The following NTM variants were observed in gnomAD, a reference collection of about 807,000 sequenced individuals.
The protein encoded by NTM is neurotrimin.
NTM carries 13 observed loss-of-function variants against 42.1 expected under a neutral mutation model. That is an observed-to-expected ratio of 0.31 (90% CI 0.20 to 0.49). The LOEUF is 0.49. NTM is among the 20% of genes least tolerant of loss of function. NTM has a pLI of 0.99. For synonymous variants in NTM, 187 were observed against 179.2 expected, an observed-to-expected ratio of 1.04 and a Z score of -0.35; for missense variants, 373 against 452.8, an observed-to-expected ratio of 0.82 and a Z score of 1.60.
At chr11:131,878,965 C>G (rs549305375) in intron 1 of NTM, among the ~76,000 whole-genome samples, 43 of 152,204 alleles carry the variant, frequency 2.8e-4, no homozygotes, top group Non-Finnish European at 6.2e-4. Flanking sequence ...CGCTGCCAAT[C>G]AGGAAATTGA....
At chr11:132,126,165 G>A (rs1198064572) in intron 2 of NTM, among the ~76,000 whole-genome samples, 2 of 152,116 alleles carry the variant, frequency 1.3e-5, no homozygotes, top group Non-Finnish European at 2.9e-5. Flanking sequence ...AGGATCCTTA[G>A]TCCATCAATT....
At chr11:131,672,903 C>T (rs1188786908) in intron 1 of NTM, among the ~76,000 whole-genome samples, 1 of 46,050 alleles carries the variant, frequency 2.2e-5, no homozygotes, top group Admixed American at 3.6e-4. Context: ...GAGAAGACCA[C>T]GGTGCCGGGG....
chr11:131,415,297 C>T (rs910151168), intron 1 of NTM, among the ~76,000 whole-genome samples: 2 of 152,148 alleles, frequency 1.3e-5, no homozygotes, highest in Non-Finnish European at 2.9e-5. Context: ...GAAACTGGGT[C>T]GGCCTGATGC....
intron 1 of NTM, among the ~76,000 whole-genome samples, chr11:131,751,966 G>A (rs1328277286): frequency 6.6e-6 from 1 of 152,132 alleles, no homozygotes; most frequent in African/African-American, 2.4e-5. Flanking sequence ...TCAAAAAATT[G>A]CTTCATAAAT....
intron 1 of NTM, among the ~76,000 whole-genome samples, chr11:131,897,506 C>T (rs545880907): frequency 1.3e-5 from 2 of 152,220 alleles, no homozygotes; most frequent in African/African-American, 2.4e-5. Context: ...TGCAAAGACA[C>T]AGCACAGGTC....
chr11:131,778,856 C>T (rs568736128), intron 1 of NTM, among the ~76,000 whole-genome samples: 82 of 152,210 alleles, frequency 5.4e-4, no homozygotes, highest in South Asian at 3.7e-3. Flanking sequence ...GAGTGAAGGC[C>T]GAAACTGTGA....
chr11:131,983,377 T>G (rs914902921), intron 2 of NTM, among the ~76,000 whole-genome samples: 10 of 138,768 alleles, frequency 7.2e-5, no homozygotes, highest in Non-Finnish European at 1.1e-4. Flanking sequence ...ATTGTATCTT[T>G]TTTTTTTTTT....
intron 1 of NTM, among the ~76,000 whole-genome samples, chr11:131,688,117 G>A (rs984044395): frequency 2.6e-5 from 4 of 152,200 alleles, no homozygotes; most frequent in African/African-American, 9.6e-5. Flanking sequence ...ATCTGGATGA[G>A]GAGCCGCAGA....
chr11:131,758,277 C>A (rs2083607533), intron 1 of NTM, among the ~76,000 whole-genome samples: 2 of 152,056 alleles, frequency 1.3e-5, no homozygotes, highest in Admixed American at 6.5e-5. Flanking sequence ...CCCGCCAACC[C>A]CGCTAGCTAA....
intron 1 of NTM, among the ~76,000 whole-genome samples, chr11:131,465,111 C>T (rs1951765951): frequency 6.6e-6 from 1 of 152,232 alleles, no homozygotes; most frequent in South Asian, 2.1e-4. Flanking sequence ...TTATATTTGG[C>T]TTTGCTGTAT....
intron 1 of NTM, among the ~76,000 whole-genome samples, chr11:131,641,393 T>C (rs1368625738): frequency 6.6e-6 from 1 of 152,214 alleles, no homozygotes; most frequent in Non-Finnish European, 1.5e-5. Context: ...ATTGGAACAC[T>C]TTAAAATAGA....
At chr11:131,605,703 G>T (rs983551084) in intron 1 of NTM, 1 of 719,472 alleles carries the variant, frequency 1.4e-6, no homozygotes, top group Non-Finnish European at 1.7e-6. Context: ...TCAGGGTGAG[G>T]ACGTTTCTTT....
intron 4 of NTM, among the ~76,000 whole-genome samples, chr11:132,278,216 C>T (rs1339213267): frequency 6.6e-6 from 1 of 152,172 alleles, no homozygotes; most frequent in African/African-American, 2.4e-5. Flanking sequence ...TGTAAGAAAC[C>T]ACCCCCAAGC....
intron 2 of NTM, among the ~76,000 whole-genome samples, chr11:131,968,768 C>T (rs1377823595): frequency 6.6e-6 from 1 of 152,126 alleles, no homozygotes; most frequent in Non-Finnish European, 1.5e-5. Flanking sequence ...CACATATCCT[C>T]CCCCGAAATG....
At chr11:131,749,270 G>A (rs959780439) in intron 1 of NTM, among the ~76,000 whole-genome samples, 5 of 152,150 alleles carry the variant, frequency 3.3e-5, no homozygotes, top group African/African-American at 9.7e-5. Context: ...AGCTTGGACC[G>A]ATGAAGATGT....
intron 2 of NTM, among the ~76,000 whole-genome samples, chr11:132,048,336 T>C (rs1271066606): frequency 2.6e-5 from 4 of 152,160 alleles, no homozygotes; most frequent in Admixed American, 6.5e-5. Flanking sequence ...TATTTTGTAG[T>C]TTGTAAAGAT....
rs1009547207 is a variant in NTM, at chr11:132,002,454, A to G, written c.167+90806A>G. On this transcript the variant is annotated intron_variant, in intron 2 of 8. Coordinates refer to ENST00000683400, the MANE Select transcript of NTM (RefSeq NM_001352005.2). The surrounding 1 kb of genome is among the most constrained non-coding windows in gnomAD (Gnocchi z 4.5). ...GATAAGAATGAGAATTTTGAGTGTC[A>G]GTGATCAACAATTAACCCTACGTCT... Among the ~76,000 whole-genome samples, 8 of 152,200 alleles carry G rather than the reference A, an allele frequency of 5.3e-5. No homozygotes were observed. Among genetic ancestry groups the G allele is most frequent in the African/African-American group, 1.7e-4 (7 of 41,452 alleles).
chr11:131,796,641 C>T (rs548590972), intron 1 of NTM, among the ~76,000 whole-genome samples: 1 of 152,264 alleles, frequency 6.6e-6, no homozygotes, highest in Non-Finnish European at 1.5e-5. Context: ...CATCACAAGG[C>T]AGCATAGAGA....
intron 2 of NTM, among the ~76,000 whole-genome samples, chr11:132,038,934 A>G (rs997281260): frequency 8.6e-5 from 13 of 152,024 alleles, no homozygotes; most frequent in African/African-American, 3.1e-4. Context: ...TCCATTTCCC[A>G]ACATGCTTCT....
Sources: gnomAD v4.1 joint callset for allele counts (sites outside exome capture counted in the v4.1 genomes callset) on GRCh38, gnomAD v4.1.1 for gene constraint, Gnocchi (gnomAD v3.1) non-coding constraint, MANE v1.5 for transcripts, NCBI Gene and HGNC (gene_info 2026-07-23, HGNC 2026-07-21) for gene names.